CDH13: variants seen among roughly 807,000 people sequenced by gnomAD.
CDH13 encodes the protein cadherin 13.
Under a neutral mutation model 63.8 loss-of-function variants are expected in CDH13, and 24 were observed. The ratio of observed to expected loss-of-function variants is 0.38; its 90% CI spans 0.27 to 0.53. The LOEUF is 0.53. CDH13 is among the 20% of genes least tolerant of loss of function. The pLI, the probability that CDH13 is intolerant of heterozygous loss-of-function variation, is 0.85. For synonymous variants in CDH13, 503 were observed against 355.3 expected (o/e 1.42, Z -4.67); for missense variants, 1,049 against 903.1 (o/e 1.16, Z -2.07).
chr16:82,821,919 C>T (rs1310514919), intron 1 of CDH13, among the ~76,000 whole-genome samples: 4 of 152,188 alleles, frequency 2.6e-5, no homozygotes, highest in Non-Finnish European at 5.9e-5. Context: ...GGGATTGCAC[C>T]TCCAGTGATA....
chr16:83,570,357 T>C (rs918919911), intron 7 of CDH13, among the ~76,000 whole-genome samples: 3 of 152,144 alleles, frequency 2.0e-5, no homozygotes, highest in African/African-American at 7.2e-5. Flanking sequence ...ACACCTGGTC[T>C]CTGATGACAC....
intron 7 of CDH13, among the ~76,000 whole-genome samples, chr16:83,540,594 C>A (rs139506839): frequency 6.6e-6 from 1 of 152,166 alleles, no homozygotes; most frequent in Non-Finnish European, 1.5e-5. Flanking sequence ...TCCATTTCTA[C>A]GTTTGTCCCT....
chr16:83,145,671 G>C (rs2036717261), intron 4 of CDH13, among the ~76,000 whole-genome samples: 1 of 152,136 alleles, frequency 6.6e-6, no homozygotes, highest in Non-Finnish European at 1.5e-5. Flanking sequence ...CCAGACCTCT[G>C]ATTCATGCTA....
intron 7 of CDH13, among the ~76,000 whole-genome samples, chr16:83,591,457 T>C (rs1906743433): frequency 6.6e-6 from 1 of 152,260 alleles, no homozygotes; most frequent in Non-Finnish European, 1.5e-5. Flanking sequence ...GGATTCACTC[T>C]GTTTCCTCTC....
chr16:83,035,122 A>T (rs970577629), intron 3 of CDH13, among the ~76,000 whole-genome samples: 2 of 152,178 alleles, frequency 1.3e-5, no homozygotes, highest in Admixed American at 6.5e-5. Context: ...AATGAAGGAA[A>T]ACAAAATAGA....
chr16:82,634,659 C>T (rs146982873), intron 1 of CDH13, among the ~76,000 whole-genome samples: 61 of 152,298 alleles, frequency 4.0e-4, no homozygotes, highest in African/African-American at 1.2e-3. Context: ...GACTGTCTGG[C>T]CCCTGAAGCT....
intron 1 of CDH13, among the ~76,000 whole-genome samples, chr16:82,836,299 C>A (rs371026263): frequency 1.3e-5 from 2 of 152,130 alleles, no homozygotes; most frequent in African/African-American, 4.8e-5. Flanking sequence ...CAGGTGCCCA[C>A]CACCACGCCC....
chr16:83,382,467 G>A (rs544647799), intron 6 of CDH13, among the ~76,000 whole-genome samples: 77 of 152,144 alleles, frequency 5.1e-4, no homozygotes, highest in Middle Eastern at 3.4e-3. Flanking sequence ...ACATTTCACT[G>A]CGTACACTCT....
chr16:83,298,946 T>C (rs2089665817), intron 5 of CDH13, among the ~76,000 whole-genome samples: 1 of 152,218 alleles, frequency 6.6e-6, no homozygotes, highest in African/African-American at 2.4e-5. Flanking sequence ...ATTTTTACTG[T>C]TTCTGAGTGT....
chr16:82,643,824 C>G lies in CDH13; in HGVS notation c.45+16687C>G, dbSNP rs577286525. ...GTGGTGCAATCATAGCTAACTGCAG[C>G]CTTGACCACCTGAGCTCAAGCAACC... is the stretch of plus-strand genomic sequence containing the variant. On this transcript the variant is annotated intron_variant, in intron 1 of 13. Transcript: ENST00000567109. 1.1e-4 allele frequency among the ~76,000 whole-genome samples: 17 copies of G among 152,126 alleles called. No homozygotes were observed. In the South Asian group the frequency reaches 2.7e-3, roughly 24 times the overall value.
rs139698445 is a variant in CDH13 at position 83,287,070 on chromosome 16, T to A, written c.637-57792T>A. ...CATGAGCGCATGCTGAAGGTACCCA[T>A]GTAAAAAGGCCATAAATGTTTGAAA... On this transcript the variant is annotated intron_variant, in intron 5 of 13. Coordinates refer to ENST00000567109, the MANE Select transcript of CDH13 (RefSeq NM_001257.5). Among the ~76,000 whole-genome samples the A allele has an allele frequency of 1.6e-3, 247 of 152,252 alleles. 1 individual carries two copies. The highest frequency in any genetic ancestry group is 5.7e-3 in the African/African-American group (237 of 41,562).
intron 7 of CDH13, among the ~76,000 whole-genome samples, chr16:83,523,573 A>G (rs1273710089): frequency 2.0e-5 from 3 of 152,184 alleles, no homozygotes; most frequent in African/African-American, 7.2e-5. Flanking sequence ...TGTACTCACC[A>G]AGTGCTCCTC....
chr16:83,253,830 ATATAT>A (rs1391927936), intron 5 of CDH13, among the ~76,000 whole-genome samples: 7 of 152,210 alleles, frequency 4.6e-5, no homozygotes, highest in African/African-American at 7.2e-5. Context: ...CATCCATGTA[ATATAT>A]TAATATAATT....
At chr16:82,650,656 C>G (rs961829663) in intron 1 of CDH13, among the ~76,000 whole-genome samples, 2 of 152,182 alleles carry the variant, frequency 1.3e-5, no homozygotes, top group African/African-American at 4.8e-5. Flanking sequence ...ATCCCCCTAC[C>G]TCTCTAGCCT....
In CDH13 at chr16:83,094,202, C is replaced by T. The variant is rs565746887; in HGVS notation, c.367-31183C>T. Reference sequence around the variant, plus strand: ...AGAAGCTCCCAGGCAAGGCCAACAACGCCTGGTCTGTGCTGCACGTGAAGA... The same window carrying T: ...AGAAGCTCCCAGGCAAGGCCAACAATGCCTGGTCTGTGCTGCACGTGAAGA... On this transcript the variant is annotated intron_variant, in intron 3 of 13. Coordinates refer to ENST00000567109, the MANE Select transcript of CDH13 (RefSeq NM_001257.5). Among the ~76,000 whole-genome samples the T allele has an allele frequency of 4.2e-4, 64 of 152,268 alleles. 1 individual carries two copies. In the Middle Eastern group the frequency reaches 0.014, roughly 32 times the overall value.
At chr16:83,036,815 G>C (rs554319937) in intron 3 of CDH13, among the ~76,000 whole-genome samples, 2 of 152,156 alleles carry the variant, frequency 1.3e-5, no homozygotes, top group African/African-American at 4.8e-5. Flanking sequence ...AGTTCCCGGA[G>C]ATGATTTGGC....
chr16:82,903,287 A>G (rs2041529466), intron 2 of CDH13, among the ~76,000 whole-genome samples: 1 of 152,212 alleles, frequency 6.6e-6, no homozygotes, highest in African/African-American at 2.4e-5. Context: ...TGGCAACCCT[A>G]TTGAATCATG....
intron 7 of CDH13, among the ~76,000 whole-genome samples, chr16:83,514,977 G>T (rs1263576131): frequency 1.3e-5 from 2 of 152,116 alleles, no homozygotes; most frequent in Non-Finnish European, 2.9e-5. Context: ...TCTTGATGGC[G>T]AAATGGAGAC....
chr16:82,789,865 A>G (rs1531437), intron 1 of CDH13, among the ~76,000 whole-genome samples: 11,842 of 152,072 alleles, frequency 0.078, 545 homozygotes, highest in Middle Eastern at 0.14. Context: ...GCATCTCCTC[A>G]CTGGACAGGC....
Sources: allele counts gnomAD v4.1 joint callset (sites outside exome capture counted in the v4.1 genomes callset), GRCh38; gene constraint gnomAD v4.1.1; transcripts MANE v1.5; gene names NCBI Gene and HGNC (gene_info 2026-07-23, HGNC 2026-07-21).